SYT16: variants seen among roughly 807,000 people sequenced by gnomAD.
SYT16 encodes synaptotagmin-16.
In SYT16, 42 loss-of-function variants were observed where a neutral mutation model predicts 61.4. The ratio of observed to expected loss-of-function variants is 0.68; its 90% CI spans 0.53 to 0.89. The LOEUF (loss-of-function observed/expected upper bound fraction) is 0.89, where lower values mean the gene tolerates loss of function less well. SYT16 is among the 40% of genes least tolerant of loss of function. The probability of loss-of-function intolerance (pLI) is 0.00; values close to 1 mark genes in which losing one functional copy is unlikely to be tolerated. For missense variants in SYT16, 804 were observed against 807.3 expected (o/e 1.00, Z 0.05); for synonymous variants, 314 against 302.3 (o/e 1.04, Z -0.40).
intron 2 of SYT16, among the ~76,000 whole-genome samples, chr14:61,992,161 C>A (rs184640134): frequency 7.9e-5 from 12 of 152,060 alleles, no homozygotes; most frequent in Non-Finnish European, 1.6e-4. Flanking sequence ...TGAGGCCACA[C>A]CTTTGATTGT....
intron 7 of SYT16, among the ~76,000 whole-genome samples, chr14:62,100,048 A>G (rs1305667807): frequency 1.3e-5 from 2 of 152,238 alleles, no homozygotes; most frequent in African/African-American, 4.8e-5. Flanking sequence ...TTATCTTGTT[A>G]CATAAATAAA....
intron 7 of SYT16, among the ~76,000 whole-genome samples, chr14:62,093,532 C>T (rs2057167495): frequency 6.6e-6 from 1 of 151,916 alleles, no homozygotes; most frequent in Non-Finnish European, 1.5e-5. Flanking sequence ...CTGGGTCCAC[C>T]TAGCTTTATA....
intron 3 of SYT16, among the ~76,000 whole-genome samples, chr14:62,055,108 G>T (rs1019883001): frequency 4.6e-5 from 7 of 152,206 alleles, no homozygotes; most frequent in Admixed American, 1.3e-4. Flanking sequence ...AAGAAAGCAA[G>T]AACAACCGTT....
intron 1 of SYT16, among the ~76,000 whole-genome samples, chr14:61,931,364 CT>C (rs977636865): frequency 2.0e-5 from 3 of 151,730 alleles, no homozygotes; most frequent in Non-Finnish European, 2.9e-5. Context: ...CTCTTATTTT[CT>C]TTTTTTTAAA....
chr14:61,996,181 T>C lies in SYT16; in HGVS notation c.162T>C (p.Asp54=). Residue 54 remains aspartate (D), a synonymous_variant, in exon 3 of 8, where the codon GAT becomes GAC. Transcript: ENST00000683842. ...KQDSKLSDKL[D]QDLDNIQIQE... ...ACTCTAAATTGAGTGACAAACTAGA[T>C]CAGGACTTAGATAATATTCAGATTC... is the stretch of plus-strand genomic sequence containing the variant. 1 of 1,613,460 alleles carries C rather than the reference T, an allele frequency of 6.2e-7. No homozygotes were observed. The highest frequency in any genetic ancestry group is 1.1e-5 in the South Asian group (1 of 91,060).
At chr14:61,875,257 C>T (rs563293870) in intron 1 of SYT16, among the ~76,000 whole-genome samples, 44 of 152,196 alleles carry the variant, frequency 2.9e-4, no homozygotes, top group African/African-American at 9.6e-4. Flanking sequence ...TATTCTTATA[C>T]AAAAAGGGCT....
chr14:61,822,952 G>C (rs1245430670), intron 1 of SYT16, among the ~76,000 whole-genome samples: 2 of 152,046 alleles, frequency 1.3e-5, no homozygotes, highest in Non-Finnish European at 2.9e-5. Context: ...TATGGGCATA[G>C]GGTATTACTT....
intron 1 of SYT16, among the ~76,000 whole-genome samples, chr14:61,897,664 T>C (rs1324374222): frequency 6.6e-6 from 1 of 152,066 alleles, no homozygotes; most frequent in Non-Finnish European, 1.5e-5. Flanking sequence ...AGCAAAAGAC[T>C]CACACAGCTG....
intron 1 of SYT16, among the ~76,000 whole-genome samples, chr14:61,856,880 C>A (rs965370224): frequency 6.6e-6 from 1 of 151,946 alleles, no homozygotes; most frequent in South Asian, 2.1e-4. Context: ...TGAGAAGGAG[C>A]GGTCAATGAG....
intron 3 of SYT16, among the ~76,000 whole-genome samples, chr14:62,034,105 C>T (rs367796504): frequency 1.1e-4 from 16 of 152,104 alleles, no homozygotes; most frequent in African/African-American, 3.6e-4. Flanking sequence ...AAAAAATACT[C>T]AACATTCTTA....
chr14:62,009,533 C>T (rs1367977378), intron 3 of SYT16, among the ~76,000 whole-genome samples: 1 of 152,124 alleles, frequency 6.6e-6, no homozygotes, highest in African/African-American at 2.4e-5. Context: ...AGCTCAAATC[C>T]ATTCTTCTAG....
intron 6 of SYT16, among the ~76,000 whole-genome samples, chr14:62,083,754 G>A (rs959062884): frequency 1.3e-5 from 2 of 152,122 alleles, no homozygotes; most frequent in African/African-American, 2.4e-5. Flanking sequence ...AAGACACAAC[G>A]CCTCCTGTAT....
At position 62,103,733 on chromosome 14, in the gene SYT16, T is replaced by G. The variant is rs2057463282; in HGVS notation, c.*3026T>G. The G allele has an allele frequency of 2.0e-5, 3 of 152,198 alleles. No individual in the cohort carries two copies. The South Asian group carries it at 6.2e-4, about 31-fold the overall frequency. The allele number at this position is 152,198 out of a possible 1,614,324, so 9.4% of individuals were successfully genotyped here. A position where few individuals can be genotyped will look rare whatever the true frequency, so the allele number is the denominator to read the frequency against. ...CTGTTGGAGGTGGGGGTGTCTTGCC[T>G]TCCCTAACATAAGAAGAATTTGTAA... is the stretch of plus-strand genomic sequence containing the variant. On this transcript the variant is annotated 3_prime_UTR_variant, in exon 8 of 8. Coordinates refer to ENST00000683842, the MANE Select transcript of SYT16 (RefSeq NM_001367656.1).
intron 4 of SYT16, among the ~76,000 whole-genome samples, chr14:62,074,410 G>T (rs888086461): frequency 6.6e-5 from 10 of 152,172 alleles, no homozygotes; most frequent in Non-Finnish European, 1.2e-4. Context: ...ATGAGACATG[G>T]TCACTTGGGA....
intron 1 of SYT16, chr14:61,897,456 C>T (rs531840073): frequency 6.6e-6 from 1 of 152,276 alleles, no homozygotes; most frequent in African/African-American, 2.4e-5. Flanking sequence ...GTGTCAGCTC[C>T]ACCCCTCATT....
intron 1 of SYT16, among the ~76,000 whole-genome samples, chr14:61,824,370 T>G (rs2045707212): frequency 6.6e-6 from 1 of 152,164 alleles, no homozygotes; most frequent in African/African-American, 2.4e-5. Flanking sequence ...TATTTATTTT[T>G]GAGATAGAGT....
Position 62,100,482 on chromosome 14 carries a change from T to C in SYT16, c.1713T>C (p.Pro571=). 1 of 1,613,674 alleles carries C rather than the reference T, an allele frequency of 6.2e-7. No individual in the cohort carries two copies. The highest frequency in any genetic ancestry group is 8.5e-7 in the Non-Finnish European group (1 of 1,179,770). ...KTSIRRGQPN[P]VYKETFVFQV... The stretch of plus-strand genomic sequence containing the variant: ...CCATTCGGCGTGGTCAGCCCAATCC[T>C]GTCTATAAGGAGACCTTTGTTTTCC... The change falls in exon 8 of 8, where the codon CCT becomes CCC. Residue 571 remains proline (P), a synonymous_variant. Coordinates refer to ENST00000683842, the MANE Select transcript of SYT16 (RefSeq NM_001367656.1).
At chr14:61,957,582 T>C (rs1196386874) in intron 1 of SYT16, among the ~76,000 whole-genome samples, 2 of 152,030 alleles carry the variant, frequency 1.3e-5, no homozygotes, top group Non-Finnish European at 2.9e-5. Flanking sequence ...TTATCTTTCA[T>C]TATGTTAATG....
intron 1 of SYT16, among the ~76,000 whole-genome samples, chr14:61,859,895 T>C (rs1309179897): frequency 6.6e-6 from 1 of 152,200 alleles, no homozygotes; most frequent in African/African-American, 2.4e-5. Flanking sequence ...GAAATAATTT[T>C]ATAATTCTTT....
Sources: gnomAD v4.1 joint callset for allele counts (sites outside exome capture counted in the v4.1 genomes callset) on GRCh38, gnomAD v4.1.1 for gene constraint, MANE v1.5 for transcripts, NCBI Gene and HGNC (gene_info 2026-07-23, HGNC 2026-07-21) for gene names.